The following TMEM74 variants were observed in gnomAD, a reference collection of about 807,000 sequenced individuals.
TMEM74 encodes transmembrane protein 74.
Under a neutral mutation model 18.1 loss-of-function variants are expected in TMEM74, and 13 were observed. The observed-to-expected ratio is 0.72, with a 90% CI of 0.47 to 1.14. The LOEUF (loss-of-function observed/expected upper bound fraction) is 1.14, where lower values mean the gene tolerates loss of function less well. TMEM74 is among the 50% of genes most tolerant of loss of function. TMEM74 has a pLI of 0.00. For synonymous variants in TMEM74, 159 were observed against 146.6 expected, an observed-to-expected ratio of 1.08 and a Z score of -0.61; for missense variants, 372 against 375.9, an observed-to-expected ratio of 0.99 and a Z score of 0.09.
In TMEM74 at chr8:108,782,637, A is replaced by G. The variant is rs570655889; in HGVS notation, c.*1544T>C. 6.6e-6 allele frequency among the ~76,000 whole-genome samples: 1 copy of G among 152,302 alleles called. No individual in the cohort carries two copies. Among genetic ancestry groups the G allele is most frequent in the South Asian group, 2.1e-4 (1 of 4,824 alleles). On this transcript the variant is annotated 3_prime_UTR_variant, in exon 2 of 2. Coordinates refer to ENST00000297459, the MANE Select transcript of TMEM74 (RefSeq NM_153015.3). Reference sequence around the variant, plus strand: ...CCCATGTATTCCACAGTTGTCCACAACACCACAAACTTCAGACATTTGAAA... The same window carrying G: ...CCCATGTATTCCACAGTTGTCCACAGCACCACAAACTTCAGACATTTGAAA...
chr8:108,723,011 A>G (rs1056752784), intron 1 of TMEM74, among the ~76,000 whole-genome samples: 3 of 152,158 alleles, frequency 2.0e-5, no homozygotes, highest in Admixed American at 6.5e-5. Context: ...TGAGGATAAC[A>G]GAGGTGCAGG....
chr8:108,738,369 C>T (rs1305443926), intron 1 of TMEM74, among the ~76,000 whole-genome samples: 3 of 152,190 alleles, frequency 2.0e-5, no homozygotes, highest in Non-Finnish European at 2.9e-5. Flanking sequence ...TCCTGACACA[C>T]TGTTGTGGCA....
intron 1 of TMEM74, among the ~76,000 whole-genome samples, chr8:108,724,428 G>A (rs1302283962): frequency 1.3e-5 from 2 of 152,114 alleles, no homozygotes; most frequent in African/African-American, 2.4e-5. Context: ...GATTTTGTAT[G>A]GCTAGATACA....
At chr8:108,698,105 T>C (rs1263199740) in intron 1 of TMEM74, among the ~76,000 whole-genome samples, 1 of 152,210 alleles carries the variant, frequency 6.6e-6, no homozygotes, top group Non-Finnish European at 1.5e-5. Flanking sequence ...GGCTGCTATG[T>C]ATTATCTCTC....
chr8:108,787,437 A>C (rs2129679761), intron 1 of TMEM74, 39 bp downstream of exon 1: 1 of 152,476 alleles, frequency 6.6e-6, no homozygotes, highest in Admixed American at 6.5e-5. Flanking sequence ...TCACCCTTGC[A>C]TTCAAAGCCT....
chr8:108,787,323 G>C (rs1814403018), intron 1 of TMEM74, among the ~76,000 whole-genome samples, 153 bp downstream of exon 1: 1 of 152,154 alleles, frequency 6.6e-6, no homozygotes, highest in African/African-American at 2.4e-5. Flanking sequence ...GGTGAACTCT[G>C]CGCCCACTGA....
At chr8:108,627,823 C>T (rs559662090) in intron 2 of TMEM74, among the ~76,000 whole-genome samples, 18 of 152,008 alleles carry the variant, frequency 1.2e-4, no homozygotes, top group Admixed American at 7.9e-4. Context: ...GAAGCTGAGG[C>T]GGATGTTTGA....
chr8:108,671,933 C>T (rs1304375018), intron 1 of TMEM74, among the ~76,000 whole-genome samples: 1 of 152,134 alleles, frequency 6.6e-6, no homozygotes, highest in Non-Finnish European at 1.5e-5. Flanking sequence ...AATTGAAAAC[C>T]TGCCTGCTTT....
At chr8:108,703,521 G>A (rs999272120) in intron 1 of TMEM74, among the ~76,000 whole-genome samples, 2 of 152,070 alleles carry the variant, frequency 1.3e-5, no homozygotes, top group African/African-American at 2.4e-5. Flanking sequence ...AAAGAAGAAG[G>A]GTGTAAAGAT....
chr8:108,674,979 A>G (rs1813042059), intron 1 of TMEM74, among the ~76,000 whole-genome samples: 1 of 152,194 alleles, frequency 6.6e-6, no homozygotes, highest in South Asian at 2.1e-4. Context: ...CCCAACCCTC[A>G]GTTGTGAAAA....
downstream of TMEM74, among the ~76,000 whole-genome samples, chr8:108,774,781 T>C (rs1326627602): frequency 2.8e-5 from 4 of 144,942 alleles, no homozygotes; most frequent in Non-Finnish European, 6.0e-5. Context: ...TTTTTTTCTG[T>C]AGAGACCAGG....
intron 1 of TMEM74, among the ~76,000 whole-genome samples, chr8:108,724,741 G>T (rs1715153256): frequency 6.6e-6 from 1 of 152,132 alleles, no homozygotes; most frequent in African/African-American, 2.4e-5. Context: ...GAGAGAAAGT[G>T]CACTTTCATG....
chr8:108,756,650 GAGAAAGAAAGAAAGAA>G (rs71305914), intron 1 of TMEM74, among the ~76,000 whole-genome samples: 7 of 27,084 alleles, frequency 2.6e-4, no homozygotes, highest in African/African-American at 3.0e-4. Flanking sequence ...AAGAAAGAAA[GAGAAAGAAAGAAAGAA>G]AGAAAGAAAG....
At chr8:108,761,540 C>A (rs1814044108) in intron 1 of TMEM74, among the ~76,000 whole-genome samples, 1 of 152,082 alleles carries the variant, frequency 6.6e-6, no homozygotes, top group Admixed American at 6.6e-5. Flanking sequence ...TTTTAACAGG[C>A]TCTAAACTGA....
chr8:108,683,628 T>A (rs936405333), intron 1 of TMEM74, among the ~76,000 whole-genome samples: 3 of 152,022 alleles, frequency 2.0e-5, no homozygotes, highest in Non-Finnish European at 2.9e-5. Flanking sequence ...ATTCATGGGG[T>A]ACATAGTGAT....
intron 1 of TMEM74, among the ~76,000 whole-genome samples, chr8:108,726,730 G>A (rs1043324849): frequency 2.6e-5 from 4 of 151,172 alleles, no homozygotes; most frequent in African/African-American, 9.7e-5. Context: ...CCGAGGTACT[G>A]ATATATCAGT....
At chr8:108,613,943 A>C (rs1812359309) in intron 2 of TMEM74, among the ~76,000 whole-genome samples, 1 of 151,746 alleles carries the variant, frequency 6.6e-6, no homozygotes, top group Non-Finnish European at 1.5e-5. Flanking sequence ...AAGAGTAAAA[A>C]TTTCCTTGTA....
chr8:108,718,674 T>A (rs1376133148), intron 1 of TMEM74, among the ~76,000 whole-genome samples: 1 of 152,170 alleles, frequency 6.6e-6, no homozygotes, highest in African/African-American at 2.4e-5. Context: ...TGTGTAAAGA[T>A]TTGAAGCTGA....
intron 1 of TMEM74, among the ~76,000 whole-genome samples, chr8:108,663,251 C>T (rs528086570): frequency 9.2e-5 from 14 of 152,034 alleles, no homozygotes; most frequent in African/African-American, 2.2e-4. Context: ...CCAGAGTCTA[C>T]AAGTAACTTA....
Sources: gnomAD v4.1 joint callset for allele counts (sites outside exome capture counted in the v4.1 genomes callset) on GRCh38, gnomAD v4.1.1 for gene constraint, MANE v1.5 for transcripts, NCBI Gene and HGNC (gene_info 2026-07-23, HGNC 2026-07-21) for gene names.